Variants in SYNE2 observed in about 807,000 individuals in gnomAD.
SYNE2 encodes spectrin repeat containing nuclear envelope protein 2, also known as nesprin-2.
SYNE2 carries 431 observed loss-of-function variants against 856.3 expected under a neutral mutation model. That is an observed-to-expected ratio of 0.50 (90% CI 0.47 to 0.55). The LOEUF is 0.55. SYNE2 is among the 20% of genes least tolerant of loss of function. SYNE2 has a pLI of 0.00. For synonymous variants in SYNE2, 2,923 were observed against 2,872.3 expected (o/e 1.02, Z -0.56); for missense variants, 8,129 against 8,023.2 (o/e 1.01, Z -0.50).
intron 1 of SYNE2, among the ~76,000 whole-genome samples, chr14:63,800,417 G>A (rs558795599): frequency 1.3e-5 from 2 of 151,998 alleles, no homozygotes; most frequent in East Asian, 1.9e-4. Context: ...CAAAGAGCTG[G>A]GATCTTTTGT....
chr14:64,214,972 TCA>T (rs754802680), intron 106 of SYNE2, among the ~76,000 whole-genome samples: 18 of 152,142 alleles, frequency 1.2e-4, no homozygotes, highest in Non-Finnish European at 1.9e-4. Context: ...ACTCCTGGGC[TCA>T]AGAAGTCCTC....
chr14:64,165,438 G>A, intron 90 of SYNE2, 28 bp downstream of exon 90: 1 of 1,610,788 alleles, frequency 6.2e-7, no homozygotes, highest in African/African-American at 1.3e-5. Context: ...CTTTTCTAAG[G>A]GCTTAGACTC....
In SYNE2 at chr14:63,995,048, TTCA is replaced by T. The variant is rs751601282; in HGVS notation, c.2791_2793del (p.His931del). The stretch of plus-strand genomic sequence containing the variant: ...TTCCTTTGATTTTTTTTGTAGTCTC[TTCA>T]TCATGAACTGTCTTTATATGTTCAA... On this transcript the variant is annotated inframe_deletion, in exon 23 of 116. Coordinates refer to ENST00000555002, the MANE Select transcript of SYNE2 (RefSeq NM_182914.3). 1.3e-6 allele frequency: 2 copies of T among 1,530,980 alleles called. No homozygotes were observed. Among genetic ancestry groups the T allele is most frequent in the South Asian group, 1.2e-5 (1 of 85,646 alleles). The allele number at this position is 1,530,980 out of a possible 1,614,324, so 94.8% of individuals were successfully genotyped here.
chr14:64,029,320 T>C (rs942065297), intron 43 of SYNE2, among the ~76,000 whole-genome samples: 1 of 152,220 alleles, frequency 6.6e-6, no homozygotes, highest in African/African-American at 2.4e-5. Flanking sequence ...TGTTCTTCTG[T>C]AAATTGTTTA....
At chr14:63,819,196 A>C (rs1889120949) in intron 1 of SYNE2, among the ~76,000 whole-genome samples, 1 of 152,134 alleles carries the variant, frequency 6.6e-6, no homozygotes, top group Non-Finnish European at 1.5e-5. Context: ...CCAGGATACA[A>C]GATTAACATA....
At chr14:63,856,335 C>T (rs1271337367) in intron 1 of SYNE2, among the ~76,000 whole-genome samples, 3 of 152,202 alleles carry the variant, frequency 2.0e-5, no homozygotes, top group African/African-American at 7.2e-5. Context: ...GTGGCAGCGC[C>T]TAGAATACAA....
In SYNE2 at chr14:63,997,164, T is replaced by C; in HGVS notation, c.3152+6T>C. The C allele has an allele frequency of 1.2e-6, 2 of 1,612,772 alleles. No homozygotes were observed. Among genetic ancestry groups the C allele is most frequent in the Non-Finnish European group, 1.7e-6 (2 of 1,179,006 alleles). Reference sequence around the variant, plus strand: ...GGAGGCACGTCGAAAAACGAGTTAGTACTTCATAAGAATAGCTACCCTTCA... The same window carrying C: ...GGAGGCACGTCGAAAAACGAGTTAGCACTTCATAAGAATAGCTACCCTTCA... On this transcript the variant is annotated splice_donor_region_variant and intron_variant, in intron 24 of 115. Transcript: ENST00000555002.
At chr14:64,199,312 G>C (rs957567270) in intron 99 of SYNE2, among the ~76,000 whole-genome samples, 1 of 152,184 alleles carries the variant, frequency 6.6e-6, no homozygotes, top group Non-Finnish European at 1.5e-5. Flanking sequence ...CTCCAGACCA[G>C]ACTACCCAGG....
intron 61 of SYNE2, among the ~76,000 whole-genome samples, chr14:64,095,918 G>A (rs535125920): frequency 6.6e-6 from 1 of 152,222 alleles, no homozygotes; most frequent in East Asian, 1.9e-4. Flanking sequence ...CCTCATGAAT[G>A]GGATTAGGTG....
chr14:63,770,177 T>TTGTA, intron 1 of SYNE2, among the ~76,000 whole-genome samples: 1 of 152,206 alleles, frequency 6.6e-6, no homozygotes, highest in African/African-American at 2.4e-5. Context: ...TGATGTCTTA[T>TTGTA]TGTACATAGT....
At chr14:63,858,713 C>T (rs961774582) in intron 1 of SYNE2, among the ~76,000 whole-genome samples, 2 of 152,066 alleles carry the variant, frequency 1.3e-5, no homozygotes, top group Non-Finnish European at 2.9e-5. Context: ...ACAGTATTGC[C>T]TCTTAATAAT....
At chr14:64,095,816 CA>C (rs752300612) in intron 61 of SYNE2, among the ~76,000 whole-genome samples, 1 of 152,120 alleles carries the variant, frequency 6.6e-6, no homozygotes, top group Non-Finnish European at 1.5e-5. Flanking sequence ...CCCCTCCCCC[CA>C]ACATTTTTGT....
At chr14:64,076,232 C>T (rs550201798) in intron 54 of SYNE2, 132 bp downstream of exon 54, 79 of 937,426 alleles carry the variant, frequency 8.4e-5, no homozygotes, top group Non-Finnish European at 1.1e-4. Context: ...AAGTGACCAT[C>T]GTGTCTATTG....
intron 114 of SYNE2, 21 bp downstream of exon 114, chr14:64,224,568 G>C: frequency 6.2e-7 from 1 of 1,613,512 alleles, no homozygotes; most frequent in Non-Finnish European, 8.5e-7. Flanking sequence ...CCTTCCTTCT[G>C]TGAGAACCTC....
intron 3 of SYNE2, among the ~76,000 whole-genome samples, chr14:63,941,161 C>T (rs1039857633): frequency 3.9e-5 from 6 of 152,184 alleles, no homozygotes; most frequent in Non-Finnish European, 7.3e-5. Context: ...AGTGATAGTG[C>T]TGGGATATGA....
intron 11 of SYNE2, among the ~76,000 whole-genome samples, chr14:63,974,650 C>A (rs1470032203): frequency 1.3e-5 from 2 of 150,230 alleles, no homozygotes; most frequent in Non-Finnish European, 3.0e-5. Flanking sequence ...CCTCCACCTC[C>A]TGGGTTCCAG....
chr14:64,183,560 C>T (rs534278217), intron 96 of SYNE2, among the ~76,000 whole-genome samples: 115 of 152,278 alleles, frequency 7.6e-4, no homozygotes, highest in African/African-American at 2.7e-3. Flanking sequence ...GAGGCCAAGG[C>T]AGGCGGCTGG....
At chr14:63,857,593 G>A (rs1892174055) in intron 1 of SYNE2, among the ~76,000 whole-genome samples, 1 of 152,114 alleles carries the variant, frequency 6.6e-6, no homozygotes, top group Admixed American at 6.5e-5. Flanking sequence ...TAGTCTATGA[G>A]GGTTCCAGTT....
intron 10 of SYNE2, among the ~76,000 whole-genome samples, chr14:63,965,987 A>G (rs1195788455): frequency 6.6e-6 from 1 of 152,218 alleles, no homozygotes; most frequent in Non-Finnish European, 1.5e-5. Context: ...GTCATTAATT[A>G]TCAGAATTAA....
Sources: gnomAD v4.1 joint callset for allele counts (sites outside exome capture counted in the v4.1 genomes callset) on GRCh38, gnomAD v4.1.1 for gene constraint, MANE v1.5 for transcripts, NCBI Gene and HGNC (gene_info 2026-07-23, HGNC 2026-07-21) for gene names.